Variants in CHEK2 observed in about 807,000 individuals in gnomAD.
CHEK2 encodes the protein checkpoint kinase 2.
In CHEK2, 71 loss-of-function variants were observed where a neutral mutation model predicts 69.1. The ratio of observed to expected loss-of-function variants is 1.03; its 90% CI spans 0.85 to 1.25. CHEK2 has a LOEUF of 1.25. Among genes scored for constraint, CHEK2 ranks in the 50% most tolerant of loss-of-function variants. The pLI, the probability that CHEK2 is intolerant of heterozygous loss-of-function variation, is 0.00. For synonymous variants in CHEK2, 189 were observed against 226.9 expected (o/e 0.83, Z 1.50); for missense variants, 664 against 649.6 (o/e 1.02, Z -0.24).
At chr22:28,732,916 T>A (rs1339478480) in intron 2 of CHEK2, among the ~76,000 whole-genome samples, 1 of 152,044 alleles carries the variant, frequency 6.6e-6, no homozygotes. Flanking sequence ...CTCATCCTCC[T>A]GAGTAGCTGG....
intron 1 of CHEK2, among the ~76,000 whole-genome samples, chr22:28,740,366 C>T (rs775378374): frequency 8.5e-5 from 13 of 152,154 alleles, no homozygotes; most frequent in East Asian, 3.8e-4. Context: ...ACCCAGTATC[C>T]GCCATCAAAG....
chr22:28,728,420 G>A (rs2054081439), intron 2 of CHEK2, among the ~76,000 whole-genome samples: 2 of 152,154 alleles, frequency 1.3e-5, no homozygotes, highest in Admixed American at 1.3e-4. Context: ...CCCATAAGAA[G>A]TGAAAAGACT....
rs28909982 is a variant in CHEK2, at chr22:28,725,338, T to C, written c.349A>G (p.Arg117Gly). 1.8e-4 allele frequency: 295 copies of C among 1,613,986 alleles called. No homozygotes were observed. Among genetic ancestry groups the C allele is most frequent in the Non-Finnish European group, 2.3e-4 (271 of 1,179,988 alleles). ...AAGCAATATTCACAGCTTTTGTCCCTCCCAAACCAGTAGTTGTCATTCACA... is the reference window on the plus strand; with the variant it reads ...AAGCAATATTCACAGCTTTTGTCCCCCCCAAACCAGTAGTTGTCATTCACA... ...ECVNDNYWFGRDKSCEYCFDE... is the reference protein window; with the variant it reads ...ECVNDNYWFGGDKSCEYCFDE... The change falls in exon 3 of 15, where the codon AGG (arginine) becomes GGG (glycine). Residue 117 changes from arginine (R) to glycine (G), a missense_variant. Arg to Gly is a moderately radical substitution (Grantham distance 125, BLOSUM62 -2). Coordinates refer to ENST00000404276, the MANE Select transcript of CHEK2 (RefSeq NM_007194.4).
chr22:28,694,119 T>C lies in CHEK2; in HGVS notation c.1376-2A>G, dbSNP rs2145786737. ...ACAACTTCTTGACAAGGTCCAGAGC[T>C]AAAGCAACAATTGGGCAAATCACAG... is the stretch of plus-strand genomic sequence containing the variant. On this transcript the variant is annotated splice_acceptor_variant, in intron 12 of 14. Transcript: ENST00000404276. LOFTEE classifies it high-confidence loss of function. 1 of 1,588,862 alleles carries C rather than the reference T, an allele frequency of 6.3e-7. No homozygotes were observed. The highest frequency in any genetic ancestry group is 8.5e-7 in the Non-Finnish European group (1 of 1,173,062).
At chr22:28,711,873 T>C in intron 6 of CHEK2, 36 bp downstream of exon 6, 1 of 1,348,822 alleles carries the variant, frequency 7.4e-7, no homozygotes, top group South Asian at 1.2e-5. Flanking sequence ...TGAAGACGTG[T>C]TAATAAAAGG....
chr22:28,718,883 A>AACACACACACACACACAC (rs144577000), intron 5 of CHEK2, among the ~76,000 whole-genome samples: 1 of 140,450 alleles, frequency 7.1e-6, no homozygotes, highest in Non-Finnish European at 1.5e-5. Flanking sequence ...CTCTGACACT[A>AACACACACACACACACAC]ACACACACAC....
chr22:28,703,642 G>A (rs2052989158), intron 7 of CHEK2, 76 bp from the exon 8 acceptor site: 1 of 930,702 alleles, frequency 1.1e-6, no homozygotes, highest in Non-Finnish European at 1.7e-6. Flanking sequence ...TAGAACATCT[G>A]CCCAGAGGGA....
intron 2 of CHEK2, among the ~76,000 whole-genome samples, chr22:28,731,236 A>T (rs8184986): frequency 0.098 from 14,930 of 151,998 alleles, 957 homozygotes; most frequent in Middle Eastern, 0.21. Context: ...ACAAAAATTT[A>T]AAAAAAGGAA....
chr22:28,730,458 C>T, intron 2 of CHEK2: 1 of 696,712 alleles, frequency 1.4e-6, no homozygotes, highest in Non-Finnish European at 2.6e-6. Flanking sequence ...CCTCACACCT[C>T]TTATCCCAGC....
chr22:28,691,108 T>C lies in CHEK2; in HGVS notation c.1462-1893A>G, dbSNP rs930886530. On this transcript the variant is annotated intron_variant, in intron 13 of 14. Coordinates refer to ENST00000404276, the MANE Select transcript of CHEK2 (RefSeq NM_007194.4). ...GATCTCAATTATCTTGCAGTGTCAC[T>C]CTCAAAAGTCCATCTCTTGGCAGCC... 7.9e-5 allele frequency among the ~76,000 whole-genome samples: 12 copies of C among 152,258 alleles called. No homozygotes were observed. The East Asian group carries it at 1.4e-3, about 17-fold the overall frequency.
Position 28,725,024 on chromosome 22 carries a change from G to C in CHEK2, c.545C>G (p.Pro182Arg), listed in dbSNP as rs372168051. The change falls in exon 4 of 15, where the codon CCT becomes CGT. Residue 182 changes from proline to arginine, a missense_variant. Transcript: ENST00000404276. ...TGCAATTTCAGAATTGTTATTCAAAGGACGGCGTTTTCCTTTCCCTACAAG... is the reference window on the plus strand; with the variant it reads ...TGCAATTTCAGAATTGTTATTCAAACGACGGCGTTTTCCTTTCCCTACAAG... Reference protein sequence around the residue: ...TELVGKGKRRPLNNNSEIALS... With the variant: ...TELVGKGKRRRLNNNSEIALS... 2 of 1,613,904 alleles carry C rather than the reference G, an allele frequency of 1.2e-6. No individual in the cohort carries two copies. Among genetic ancestry groups the C allele is most frequent in the East Asian group, 2.2e-5 (1 of 44,846 alleles).
chr22:28,734,570 T>C lies in CHEK2; in HGVS notation c.152A>G (p.Gln51Arg), dbSNP rs2054325722. 4 of 1,613,910 alleles carry C rather than the reference T, an allele frequency of 2.5e-6. No individual in the cohort carries two copies. Among genetic ancestry groups the C allele is most frequent in the Non-Finnish European group, 3.4e-6 (4 of 1,179,996 alleles). The change falls in exon 2 of 15, where the codon CAG (glutamine) becomes CGG (arginine). Residue 51 changes from glutamine to arginine, a missense_variant. Physicochemically the swap from Gln to Arg is conservative, Grantham distance 43. Coordinates refer to ENST00000404276, the MANE Select transcript of CHEK2 (RefSeq NM_007194.4). ...SSTSTMPNSS[Q>R]SSHSSSGTLS... is the part of the protein sequence containing the mutation. Reference sequence around the variant, plus strand: ...TGTCCCAGAGCTGGAGTGAGAGGACTGGCTGGAGTTTGGCATCGTGCTGGT... The same window carrying C: ...TGTCCCAGAGCTGGAGTGAGAGGACCGGCTGGAGTTTGGCATCGTGCTGGT...
In CHEK2 at chr22:28,703,576, G is replaced by T; in HGVS notation, c.847-10C>A. On this transcript the variant is annotated splice_polypyrimidine_tract_variant and intron_variant, in intron 7 of 14. Transcript: ENST00000404276. The stretch of plus-strand genomic sequence containing the variant: ...TCTTGATGATGCAAGGCTAAGAAGA[G>T]GGGGAGAAAAAAGGGAAAGTAGTGA... 1 of 1,543,114 alleles carries T rather than the reference G, an allele frequency of 6.5e-7. No homozygotes were observed. Among genetic ancestry groups the T allele is most frequent in the Non-Finnish European group, 8.9e-7 (1 of 1,122,596 alleles).
chr22:28,692,898 C>T (rs770958806), intron 13 of CHEK2, among the ~76,000 whole-genome samples: 6 of 152,278 alleles, frequency 3.9e-5, no homozygotes, highest in African/African-American at 1.4e-4. Context: ...AGAGGATCTT[C>T]GCCCTTCACT....
At position 28,696,902 on chromosome 22, in the gene CHEK2, T is replaced by C; in HGVS notation, c.1094A>G (p.Lys365Arg). 2 of 1,604,210 alleles carry C rather than the reference T, an allele frequency of 1.2e-6. No individual in the cohort carries two copies. The highest frequency in any genetic ancestry group is 1.7e-6 in the Non-Finnish European group (2 of 1,171,030). Residue 365 changes from lysine to arginine, a missense_variant and splice_region_variant, in exon 10 of 15, where the codon AAG becomes AGG. Coordinates refer to ENST00000404276, the MANE Select transcript of CHEK2 (RefSeq NM_007194.4). ...ACATACAGAATGCCAATTTCTTACC[T>C]TTATAAGACAGTCCTCTTCTTGAGA... ...LSSQEEDCLI[K>R]ITDFGHSKIL...
intron 13 of CHEK2, among the ~76,000 whole-genome samples, chr22:28,690,145 G>C (rs1254792863): frequency 6.6e-6 from 1 of 152,200 alleles, no homozygotes; most frequent in African/African-American, 2.4e-5. Flanking sequence ...TGGGGAAAGG[G>C]AGAGGATACA....
At chr22:28,700,225 T>C (rs916283571) in intron 8 of CHEK2, among the ~76,000 whole-genome samples, 2 of 150,914 alleles carry the variant, frequency 1.3e-5, no homozygotes, top group Admixed American at 6.6e-5. Flanking sequence ...TTTTTTTTTT[T>C]TTTTGAGACA....
At chr22:28,721,299 T>TG in intron 4 of CHEK2, among the ~76,000 whole-genome samples, 2 of 148,234 alleles carry the variant, frequency 1.3e-5, no homozygotes, top group Non-Finnish European at 3.0e-5. Context: ...TTTTTTTTTT[T>TG]TTTTGAGACG....
chr22:28,693,766 G>A (rs1377366097), intron 13 of CHEK2, among the ~76,000 whole-genome samples: 2 of 152,164 alleles, frequency 1.3e-5, no homozygotes, highest in Non-Finnish European at 2.9e-5. Flanking sequence ...GGCTGAGGCA[G>A]GAGAATCACT....
Sources: gnomAD v4.1 joint callset for allele counts (sites outside exome capture counted in the v4.1 genomes callset) on GRCh38, gnomAD v4.1.1 for gene constraint, MANE v1.5 for transcripts, NCBI Gene and HGNC (gene_info 2026-07-23, HGNC 2026-07-21) for gene names.